DPP8: variants seen among roughly 807,000 people sequenced by gnomAD.
DPP8 encodes dipeptidyl peptidase 8.
In DPP8, 31 loss-of-function variants were observed where a neutral mutation model predicts 107.5. The ratio of observed to expected loss-of-function variants is 0.29; its 90% CI spans 0.22 to 0.39. DPP8 has a LOEUF of 0.39. Ranked by LOEUF, DPP8 falls within the 10% of genes least tolerant of loss-of-function variation. DPP8 has a pLI of 1.00. For synonymous variants in DPP8, 381 were observed against 356.6 expected, an observed-to-expected ratio of 1.07 and a Z score of -0.77; for missense variants, 842 against 1,076.1, an observed-to-expected ratio of 0.78 and a Z score of 3.04.
chr15:65,454,281 C>G lies in DPP8; in HGVS notation c.2253G>C (p.Gln751His). 6.4e-7 allele frequency: 1 copy of G among 1,557,794 alleles called. No homozygotes were observed. The highest frequency in any genetic ancestry group is 8.6e-7 in the Non-Finnish European group (1 of 1,160,606). ...GGYLSLMALM[Q>H]RSDIFRVAIA... The stretch of plus-strand genomic sequence containing the variant: ...CACATACCCTGAAGATATCTGACCT[C>G]TGCATTAATGCCATCAGGGAGAGGT... Residue 751 changes from glutamine to histidine, a missense_variant, in exon 17 of 20, where the codon CAG becomes CAC. This residue lies in a region of DPP8 where 179 missense variants were observed against 318.0 expected (regional missense o/e 0.56). Transcript: ENST00000300141.
In DPP8 at chr15:65,481,625, A is replaced by T; in HGVS notation, c.1018-10T>A. The T allele has an allele frequency of 7.7e-7, 1 of 1,292,996 alleles. No individual in the cohort carries two copies. The highest frequency in any genetic ancestry group is 1.1e-6 in the Non-Finnish European group (1 of 932,690). 80.1% of individuals were successfully genotyped at this position (1,292,996 alleles called of 1,614,324 possible). ...CTATGACATCTATGATCTATTAAAA[A>T]AGAAAAAAAAAGAATCTAGTTATAG... On this transcript the variant is annotated splice_polypyrimidine_tract_variant and intron_variant, in intron 8 of 19. Transcript: ENST00000300141.
intron 6 of DPP8, 64 bp from the exon 7 acceptor site, chr15:65,487,882 C>T (rs557365652): frequency 6.3e-6 from 7 of 1,107,598 alleles, no homozygotes; most frequent in South Asian, 6.1e-5. Context: ...CATAACCAAC[C>T]GTTCCTTCTA....
chr15:65,452,265 T>A (rs116649050), intron 17 of DPP8, among the ~76,000 whole-genome samples, 163 bp from the exon 18 acceptor site: 1 of 152,172 alleles, frequency 6.6e-6, no homozygotes, highest in East Asian at 1.9e-4. Flanking sequence ...AGTGAAGCGC[T>A]AAGGTCAAGA....
At chr15:65,508,926 A>G (rs1033515835) in intron 2 of DPP8, among the ~76,000 whole-genome samples, 10 of 152,156 alleles carry the variant, frequency 6.6e-5, no homozygotes, top group Non-Finnish European at 1.0e-4. Context: ...CACAAAAATA[A>G]CAAGAAATCT....
At chr15:65,448,895 T>A (rs1326385783) in intron 19 of DPP8, among the ~76,000 whole-genome samples, 3 of 81,518 alleles carry the variant, frequency 3.7e-5, no homozygotes, top group African/African-American at 1.4e-4. Context: ...TATATATATA[T>A]ATATATATAT....
chr15:65,497,318 G>C (rs1004909109), intron 5 of DPP8, among the ~76,000 whole-genome samples: 4 of 151,954 alleles, frequency 2.6e-5, no homozygotes, highest in African/African-American at 9.7e-5. Flanking sequence ...ACCCAGGTTG[G>C]AGCGCAATGG....
At chr15:65,484,397 G>C (rs962933930) in intron 8 of DPP8, among the ~76,000 whole-genome samples, 1 of 151,802 alleles carries the variant, frequency 6.6e-6, no homozygotes, top group Non-Finnish European at 1.5e-5. Context: ...AGGAGTATAG[G>C]GTATCTTTTT....
chr15:65,470,657 G>A (rs531649670), intron 12 of DPP8, among the ~76,000 whole-genome samples: 7 of 150,186 alleles, frequency 4.7e-5, no homozygotes, highest in Admixed American at 1.3e-4. Flanking sequence ...GGTGGCTCAC[G>A]CCTGAAATCC....
intron 17 of DPP8, among the ~76,000 whole-genome samples, chr15:65,453,073 TCAA>T (rs1321644172): frequency 6.6e-6 from 1 of 152,212 alleles, no homozygotes; most frequent in Non-Finnish European, 1.5e-5. Flanking sequence ...ATTCCTATTC[TCAA>T]CAATTGTTAT....
In DPP8 at chr15:65,507,272, A is replaced by G. The variant is rs559775915; in HGVS notation, c.343T>C (p.Ser115Pro). 1.3e-5 allele frequency: 21 copies of G among 1,608,206 alleles called. No homozygotes were observed. The highest frequency in any genetic ancestry group is 1.7e-4 in the Middle Eastern group (1 of 6,048). The change falls in exon 3 of 20, where the codon TCT (serine) becomes CCT (proline). Residue 115 changes from serine (S) to proline (P), a missense_variant. Ser to Pro is a moderately conservative substitution (Grantham distance 74). Transcript: ENST00000300141. ...AAAAGATCCAAAAGAGGCTTCCAAG[A>G]GAGCATTAAGACTGCTGCTCTATTG... Reference protein sequence around the residue: ...TINRAAVLMLSWKPLLDLFQA... With the variant: ...TINRAAVLMLPWKPLLDLFQA...
Position 65,448,865 on chromosome 15 carries a change from AATAT to A in DPP8, c.2527-1863_2527-1860del, listed in dbSNP as rs58549410. Among the ~76,000 whole-genome samples the A allele has an allele frequency of 9.7e-3, 518 of 53,154 alleles. 39 individuals carry two copies. The highest frequency in any genetic ancestry group is 0.036 in the East Asian group (114 of 3,150). The allele number at this position is 53,154 out of a possible 152,430, so 34.9% of individuals were successfully genotyped here. ...ATATAAAATATACATATATATCTAA[AATAT>A]ATATATATATATATATATATATATA... is the stretch of plus-strand genomic sequence containing the variant. On this transcript the variant is annotated intron_variant, in intron 19 of 19. Transcript: ENST00000300141.
intron 11 of DPP8, among the ~76,000 whole-genome samples, chr15:65,476,367 T>C (rs1176772992): frequency 6.6e-6 from 1 of 152,108 alleles, no homozygotes; most frequent in Non-Finnish European, 1.5e-5. Flanking sequence ...AACATATAGA[T>C]AACAAATACT....
intron 17 of DPP8, among the ~76,000 whole-genome samples, chr15:65,452,899 G>T (rs1399575887): frequency 6.6e-6 from 1 of 151,730 alleles, no homozygotes; most frequent in Non-Finnish European, 1.5e-5. Flanking sequence ...TTGAACCTGA[G>T]AGGCGGAGGT....
rs564380193 is a variant in DPP8, at chr15:65,511,101, C to T, written c.259+1194G>A. Among the ~76,000 whole-genome samples, 11 of 152,282 alleles carry T rather than the reference C, an allele frequency of 7.2e-5. No homozygotes were observed. In the East Asian group the frequency reaches 1.9e-3, roughly 27 times the overall value. On this transcript the variant is annotated intron_variant, in intron 2 of 19. Coordinates refer to ENST00000300141, the MANE Select transcript of DPP8 (RefSeq NM_130434.5). ...TATACCCTTTTTCCCAGTACTTCCA[C>T]TCTTAGGAATTAGTTCTACAGATAT... is the stretch of plus-strand genomic sequence containing the variant.
intron 13 of DPP8, 65 bp from the exon 14 acceptor site, chr15:65,466,878 T>C: frequency 6.7e-7 from 1 of 1,501,412 alleles, no homozygotes; most frequent in Non-Finnish European, 9.2e-7. Context: ...TGCTGTTACA[T>C]CTGCACTAAT....
chr15:65,487,803 T>G lies in DPP8; in HGVS notation c.842A>C (p.Lys281Thr), dbSNP rs772374895. 3 of 1,566,102 alleles carry G rather than the reference T, an allele frequency of 1.9e-6. No homozygotes were observed. Among genetic ancestry groups the G allele is most frequent in the South Asian group, 2.3e-5 (2 of 88,228 alleles). Residue 281 changes from lysine to threonine, a missense_variant, in exon 7 of 20, where the codon AAA becomes ACA. By Grantham distance (78) the Lys-to-Thr change is moderately conservative (BLOSUM62 -1). This residue lies in a region of DPP8 where 663 missense variants were observed against 758.0 expected (regional missense o/e 0.87). Coordinates refer to ENST00000300141, the MANE Select transcript of DPP8 (RefSeq NM_130434.5). ...TTCTTCATATAGAATTCTAAGAATT[T>G]TACCACCACTGGGAGCTTAAAAGAA... The part of the protein sequence containing the change: ...PKAETTPSGG[K>T]ILRILYEEND...
At chr15:65,511,454 A>G (rs920788780) in intron 2 of DPP8, among the ~76,000 whole-genome samples, 1 of 151,916 alleles carries the variant, frequency 6.6e-6, no homozygotes, top group Non-Finnish European at 1.5e-5. Flanking sequence ...TCGCAGCTTG[A>G]GCAACATGGC....
rs1567123772 is a variant in DPP8 at position 65,448,689 on chromosome 15, A to AT, written c.2527-1684_2527-1683insA. ...TCCATCTCAAAAAAAAAAAAAAAAA[A>AT]AATATATATATATATAAAATGTACA... On this transcript the variant is annotated intron_variant, in intron 19 of 19. Transcript: ENST00000300141. Among the ~76,000 whole-genome samples, 53 of 130,280 alleles carry AT rather than the reference A, an allele frequency of 4.1e-4. 3 individuals carry two copies. The highest frequency in any genetic ancestry group is 1.3e-3 in the African/African-American group (42 of 32,962). 85.5% of individuals were successfully genotyped at this position (130,280 alleles called of 152,430 possible).
intron 2 of DPP8, among the ~76,000 whole-genome samples, chr15:65,507,990 C>T (rs2070281072): frequency 6.6e-6 from 1 of 152,136 alleles, no homozygotes; most frequent in African/African-American, 2.4e-5. Context: ...GTAGTCCCAG[C>T]ACTTTGGGAG....
Sources: gnomAD v4.1 joint callset for allele counts (sites outside exome capture counted in the v4.1 genomes callset) on GRCh38, gnomAD v4.1.1 for gene constraint, gnomAD v4.1.1 regional missense constraint, MANE v1.5 for transcripts, NCBI Gene and HGNC (gene_info 2026-07-23, HGNC 2026-07-21) for gene names.